The following ZAR1L variants were observed in gnomAD, a reference collection of about 807,000 sequenced individuals.
ZAR1L encodes protein ZAR1-like.
A neutral mutation model predicts 30.0 loss-of-function variants in ZAR1L; 16 were observed. The observed-to-expected ratio is 0.53, with a 90% CI of 0.36 to 0.81. The LOEUF is 0.81. Among genes scored for constraint, ZAR1L ranks in the 30% least tolerant of loss-of-function variants. The probability of loss-of-function intolerance (pLI) is 0.00; values close to 1 mark genes in which losing one functional copy is unlikely to be tolerated. For missense variants in ZAR1L, 392 were observed against 417.2 expected (o/e 0.94, Z 0.53); for synonymous variants, 197 against 166.8 (o/e 1.18, Z -1.40).
intron 3 of ZAR1L, 129 bp from the exon 4 acceptor site, chr13:32,310,860 G>A (rs1566211238): frequency 7.3e-6 from 5 of 680,940 alleles, no homozygotes; most frequent in Admixed American, 2.7e-5. Context: ...TCAAGACTAC[G>A]GCATTGATTC....
Position 32,303,808 on chromosome 13 carries a change from GCAAAAAAGGAAGACAGCACAGTAAGTTA to G in ZAR1L, c.*43_*70del. ...TCCGATGCCAGGTCAGAGCCAAGTT[GCAAAAAAGGAAGACAGCACAGTAAGTTA>G]CAAGAAGAGCTCAGGGGTCCATTAC... On this transcript the variant is annotated 3_prime_UTR_variant, in exon 6 of 6. Transcript: ENST00000533490. 6.8e-7 allele frequency: 1 copy of G among 1,469,002 alleles called. No homozygotes were observed. The allele number at this position is 1,469,002 out of a possible 1,614,324, so 91.0% of individuals were successfully genotyped here. A position where few individuals can be genotyped will look rare whatever the true frequency, so the allele number is the denominator to read the frequency against.
rs1224586838 is a variant in ZAR1L at position 32,311,524 on chromosome 13, C to G, written c.402G>C (p.Ser134=). The stretch of plus-strand genomic sequence containing the variant: ...TCAAGCCCCTGCGGCCGGTGGCGGG[C>G]GAAGTGACCCCACAGGCTGGCAGGG... The part of the protein sequence containing the change: ...QEPLPACGVT[S]PATGRRGLIR... Residue 134 remains serine (S), a synonymous_variant, in exon 3 of 6, where the codon TCG becomes TCC. Coordinates refer to ENST00000533490, the MANE Select transcript of ZAR1L (RefSeq NM_001136571.2). 2 of 1,535,612 alleles carry G rather than the reference C, an allele frequency of 1.3e-6. No individual in the cohort carries two copies. The highest frequency in any genetic ancestry group is 2.5e-5 in the East Asian group (1 of 40,740).
At chr13:32,307,498 C>CAAAAAAAAAAAAAAAAAA in intron 5 of ZAR1L, among the ~76,000 whole-genome samples, 1 of 15,356 alleles carries the variant, frequency 6.5e-5, no homozygotes, top group Non-Finnish European at 1.1e-4. Context: ...GAGTCTGTCT[C>CAAAAAAAAAAAAAAAAAA]AAAAAAAAAA....
At chr13:32,313,469 TG>T (rs533685396) in intron 2 of ZAR1L, among the ~76,000 whole-genome samples, 228 of 152,348 alleles carry the variant, frequency 1.5e-3, no homozygotes, top group African/African-American at 5.2e-3. Context: ...GGGGTTCAAG[TG>T]ATTCTCCCAC....
chr13:32,309,836 A>G (rs1351401029), intron 4 of ZAR1L, among the ~76,000 whole-genome samples: 1 of 152,244 alleles, frequency 6.6e-6, no homozygotes, highest in Non-Finnish European at 1.5e-5. Flanking sequence ...TCAACTTTAA[A>G]AATCTATTCA....
intron 5 of ZAR1L, among the ~76,000 whole-genome samples, chr13:32,306,669 G>A (rs776094365): frequency 1.3e-5 from 2 of 152,112 alleles, no homozygotes; most frequent in Admixed American, 6.5e-5. Flanking sequence ...GACGGCTCAC[G>A]CCTATAATCC....
intron 5 of ZAR1L, among the ~76,000 whole-genome samples, chr13:32,305,283 G>A (rs2138684642): frequency 6.6e-6 from 1 of 151,648 alleles, no homozygotes; most frequent in Admixed American, 6.6e-5. Flanking sequence ...CTGGACTGCA[G>A]TGGCGCTATC....
intron 5 of ZAR1L, 60 bp from the exon 6 acceptor site, chr13:32,304,082 C>A (rs189607124): frequency 2.0e-6 from 3 of 1,499,614 alleles, no homozygotes; most frequent in East Asian, 2.5e-5. Flanking sequence ...TCAAATGTAA[C>A]CCTCAAATCA....
At chr13:32,308,807 C>A in intron 4 of ZAR1L, 47 bp from the exon 5 acceptor site, 1 of 1,305,280 alleles carries the variant, frequency 7.7e-7, no homozygotes, top group South Asian at 1.3e-5. Flanking sequence ...TATACACACC[C>A]ACACCCTGCA....
At chr13:32,305,392 A>G (rs1041300576) in intron 5 of ZAR1L, among the ~76,000 whole-genome samples, 1 of 150,608 alleles carries the variant, frequency 6.6e-6, no homozygotes, top group African/African-American at 2.4e-5. Context: ...GCACCCGGCT[A>G]ATTTTTTGTA....
intron 5 of ZAR1L, among the ~76,000 whole-genome samples, chr13:32,307,525 A>G (rs1291759246): frequency 1.4e-5 from 2 of 145,076 alleles, no homozygotes; most frequent in African/African-American, 5.1e-5. Context: ...AAAAAAAAAA[A>G]AGGCAAGATT....
At position 32,310,232 on chromosome 13, in the gene ZAR1L, G is replaced by A. The variant is rs528547887; in HGVS notation, c.747+407C>T. On this transcript the variant is annotated intron_variant, in intron 4 of 5. Transcript: ENST00000533490. ...GAAGGGGGCAAAAGAAACTTTAGGC[G>A]TAGCCTAAGTCTCTTACAGGCAAAT... Among the ~76,000 whole-genome samples, 5 of 152,368 alleles carry A rather than the reference G, an allele frequency of 3.3e-5. No homozygotes were observed. The South Asian group carries it at 8.3e-4, about 25-fold the overall frequency.
chr13:32,311,289 G>C lies in ZAR1L; in HGVS notation c.637C>G (p.Arg213Gly). The C allele has an allele frequency of 3.2e-6, 5 of 1,548,450 alleles. No individual in the cohort carries two copies. Among genetic ancestry groups the C allele is most frequent in the Non-Finnish European group, 4.4e-6 (5 of 1,145,802 alleles). The change falls in exon 3 of 6, where the codon CGG becomes GGG. Residue 213 changes from arginine to glycine, a missense_variant. Transcript: ENST00000533490. ...VPGDAASEPL[R>G]RPNFQFLEPK... is the part of the protein sequence containing the mutation. ...GGATCTACCTGGAAGTTGGGCCTCC[G>C]GAGCGGCTCGGAGGCGGCGTCTCCA...
In ZAR1L at chr13:32,305,091, G is replaced by A. The variant is rs182622125; in HGVS notation, c.823-1069C>T. Reference sequence around the variant, plus strand: ...CTCCCAAAGCGCTGGGATTACAAGAGTGAGCCACCATGCCTGGCCAAGATG... The same window carrying A: ...CTCCCAAAGCGCTGGGATTACAAGAATGAGCCACCATGCCTGGCCAAGATG... On this transcript the variant is annotated intron_variant, in intron 5 of 5. Transcript: ENST00000533490. Among the ~76,000 whole-genome samples, 15 of 152,208 alleles carry A rather than the reference G, an allele frequency of 9.9e-5. No homozygotes were observed. The East Asian group carries it at 2.7e-3, about 28-fold the overall frequency.
chr13:32,312,562 T>A lies in ZAR1L; in HGVS notation c.-168-469A>T, dbSNP rs144256027. Among the ~76,000 whole-genome samples the A allele has an allele frequency of 2.1e-3, 316 of 152,326 alleles. 1 individual carries two copies. Among genetic ancestry groups the A allele is most frequent in the African/African-American group, 7.4e-3 (307 of 41,582 alleles). On this transcript the variant is annotated intron_variant, in intron 2 of 5. Transcript: ENST00000533490. ...GAAATTGTGGCATGTATTTATACAA[T>A]GGAATATTATTCAGCCTTAAAACAG...
intron 5 of ZAR1L, among the ~76,000 whole-genome samples, chr13:32,304,809 CTT>C (rs776182055): frequency 1.2e-4 from 16 of 136,096 alleles, no homozygotes; most frequent in African/African-American, 1.6e-4. Context: ...CAAGATTTAC[CTT>C]TTTTTTTTTT....
Position 32,311,497 on chromosome 13 carries a change from G to T in ZAR1L, c.429C>A (p.Ile143=). ...CTTCGTCCCCATCTCTCCGCAGGCG[G>T]ATCAAGCCCCTGCGGCCGGTGGCGG... ...TSPATGRRGL[I]RLRRDGDEAE... The change falls in exon 3 of 6, where the codon ATC becomes ATA. Residue 143 remains isoleucine, a synonymous_variant. Transcript: ENST00000533490. 1.3e-6 allele frequency: 2 copies of T among 1,542,402 alleles called. No individual in the cohort carries two copies. Among genetic ancestry groups the T allele is most frequent in the Non-Finnish European group, 1.7e-6 (2 of 1,144,070 alleles).
At chr13:32,307,106 C>T (rs115358685) in intron 5 of ZAR1L, among the ~76,000 whole-genome samples, 41 of 151,946 alleles carry the variant, frequency 2.7e-4, no homozygotes, top group African/African-American at 9.9e-4. Context: ...TGACTATACA[C>T]AATAATCTTA....
intron 5 of ZAR1L, among the ~76,000 whole-genome samples, chr13:32,307,498 CAAAAAAAAAAAAAA>C (rs772822284): frequency 9.8e-4 from 15 of 15,354 alleles, no homozygotes; most frequent in African/African-American, 3.1e-4. Context: ...GAGTCTGTCT[CAAAAAAAAAAAAAA>C]AAAAAAAAAA....
Sources: allele counts gnomAD v4.1 joint callset (sites outside exome capture counted in the v4.1 genomes callset), GRCh38; gene constraint gnomAD v4.1.1; transcripts MANE v1.5; gene names NCBI Gene and HGNC (gene_info 2026-07-23, HGNC 2026-07-21).